Variants in ENPP6 observed in about 807,000 individuals in gnomAD.
The protein encoded by ENPP6 is ectonucleotide pyrophosphatase/phosphodiesterase 6, also known as glycerophosphocholine cholinephosphodiesterase ENPP6.
ENPP6 carries 32 observed loss-of-function variants against 42.0 expected under a neutral mutation model. The observed-to-expected ratio is 0.76, with a 90% CI of 0.58 to 1.02. The LOEUF is 1.02. ENPP6 is among the 50% of genes least tolerant of loss of function. ENPP6 has a pLI of 0.00. For synonymous variants in ENPP6, 213 were observed against 216.0 expected, an observed-to-expected ratio of 0.99 and a Z score of 0.12; for missense variants, 552 against 566.8, an observed-to-expected ratio of 0.97 and a Z score of 0.27.
Position 184,153,746 on chromosome 4 carries a change from GAACACA to G in ENPP6, c.242-19_242-14del. 1 of 1,610,948 alleles carries G rather than the reference GAACACA, an allele frequency of 6.2e-7. No homozygotes were observed. The highest frequency in any genetic ancestry group is 8.5e-7 in the Non-Finnish European group (1 of 1,178,612). ...TCACAATGGCGGCCTATGTCAATGA[GAACACA>G]GCTGTCAGTTTACGGTTCTGGTGGT... On this transcript the variant is annotated splice_polypyrimidine_tract_variant and intron_variant, in intron 1 of 7. Coordinates refer to ENST00000296741, the MANE Select transcript of ENPP6 (RefSeq NM_153343.4).
chr4:184,195,597 G>A (rs1029570858), intron 1 of ENPP6, among the ~76,000 whole-genome samples: 5 of 151,928 alleles, frequency 3.3e-5, no homozygotes, highest in African/African-American at 7.3e-5. Context: ...CCCATTCCCC[G>A]TCCCCACAGC....
At chr4:184,133,374 T>C (rs113879683) in intron 2 of ENPP6, among the ~76,000 whole-genome samples, 1,548 of 152,340 alleles carry the variant, frequency 0.01, 22 homozygotes, top group South Asian at 0.04. Context: ...TCTTACATCT[T>C]TCACGTATTT....
At chr4:184,125,217 C>T (rs1736482838) in intron 2 of ENPP6, among the ~76,000 whole-genome samples, 1 of 152,138 alleles carries the variant, frequency 6.6e-6, no homozygotes, top group African/African-American at 2.4e-5. Context: ...CTTCAGGCAT[C>T]ACTTCCTCCT....
intron 1 of ENPP6, among the ~76,000 whole-genome samples, chr4:184,208,702 A>G (rs1216348123): frequency 1.4e-5 from 2 of 148,102 alleles, no homozygotes; most frequent in Non-Finnish European, 3.0e-5. Flanking sequence ...TAGGTAAACA[A>G]AGCAGCAGGG....
intron 6 of ENPP6, among the ~76,000 whole-genome samples, chr4:184,110,314 G>C (rs1259586750): frequency 6.6e-6 from 1 of 152,184 alleles, no homozygotes; most frequent in Non-Finnish European, 1.5e-5. Flanking sequence ...CCCAAGGCAG[G>C]AATTTTCTAG....
At chr4:184,100,582 C>T (rs1000080292) in intron 6 of ENPP6, among the ~76,000 whole-genome samples, 1 of 152,098 alleles carries the variant, frequency 6.6e-6, no homozygotes, top group Non-Finnish European at 1.5e-5. Context: ...CAGAGTGGGG[C>T]CTCTAAGTGG....
chr4:184,115,260 C>T (rs1736293473), intron 5 of ENPP6, among the ~76,000 whole-genome samples: 1 of 152,100 alleles, frequency 6.6e-6, no homozygotes, highest in African/African-American at 2.4e-5. Context: ...GGCAGCAGGT[C>T]GCCTGCCCCC....
intron 2 of ENPP6, among the ~76,000 whole-genome samples, chr4:184,135,376 T>G (rs970202059): frequency 6.6e-6 from 1 of 152,190 alleles, no homozygotes; most frequent in African/African-American, 2.4e-5. Context: ...AGTGTGTAAT[T>G]AGGAACATTA....
chr4:184,205,390 A>G (rs1445762147), intron 1 of ENPP6, among the ~76,000 whole-genome samples: 1 of 152,236 alleles, frequency 6.6e-6, no homozygotes, highest in Non-Finnish European at 1.5e-5. Flanking sequence ...GAATGCAGCG[A>G]TGCCCAGCTT....
At chr4:184,124,946 A>G (rs1736477890) in intron 2 of ENPP6, among the ~76,000 whole-genome samples, 1 of 152,182 alleles carries the variant, frequency 6.6e-6, no homozygotes, top group African/African-American at 2.4e-5. Flanking sequence ...ACACCCATCC[A>G]TATTAGGGAA....
intron 1 of ENPP6, among the ~76,000 whole-genome samples, chr4:184,196,055 T>G (rs1458156583): frequency 1.3e-5 from 2 of 152,230 alleles, no homozygotes; most frequent in Non-Finnish European, 2.9e-5. Context: ...AAACTTGCCC[T>G]GCTCAGAGAT....
intron 5 of ENPP6, among the ~76,000 whole-genome samples, chr4:184,113,952 T>TTTCC (rs1736268949): frequency 6.7e-6 from 1 of 149,582 alleles, no homozygotes; most frequent in Non-Finnish European, 1.5e-5. Context: ...TCTTTCTTTC[T>TTTCC]TTCTTTCTTT....
chr4:184,117,680 T>A lies in ENPP6; in HGVS notation c.675+79A>T, dbSNP rs1736342697. On this transcript the variant is annotated intron_variant, in intron 4 of 7. Transcript: ENST00000296741. ...GCCTTTAGCAGTAAGAGGGAAGATG[T>A]TGACAGGAGTGACTGTGGAGGAGAC... 6 of 1,575,652 alleles carry A rather than the reference T, an allele frequency of 3.8e-6. No individual in the cohort carries two copies. The South Asian group carries it at 4.7e-5, about 12-fold the overall frequency.
In ENPP6 at chr4:184,091,244, C is replaced by T; in HGVS notation, c.1256G>A (p.Ser419Asn). 1 of 1,596,748 alleles carries T rather than the reference C, an allele frequency of 6.3e-7. No homozygotes were observed. Among genetic ancestry groups the T allele is most frequent in the Non-Finnish European group, 8.5e-7 (1 of 1,171,646 alleles). ...RVMCMLKGRASTAPPVWPSHC... is the reference protein window; with the variant it reads ...RVMCMLKGRANTAPPVWPSHC... ...GCTGGGCCAGACAGGCGGGGCAGTG[C>T]TGGCGCGGCCCTTCAGCATGCACAT... is the stretch of plus-strand genomic sequence containing the variant. The change falls in exon 8 of 8, where the codon AGC becomes AAC. Residue 419 changes from serine (S) to asparagine (N), a missense_variant. Ser to Asn is a conservative substitution (Grantham distance 46). This residue lies in a region of ENPP6 where 545 missense variants were observed against 546.3 expected (regional missense o/e 1.00). Coordinates refer to ENST00000296741, the MANE Select transcript of ENPP6 (RefSeq NM_153343.4).
chr4:184,116,374 G>C (rs991580933), intron 5 of ENPP6, among the ~76,000 whole-genome samples: 9 of 152,180 alleles, frequency 5.9e-5, no homozygotes, highest in Non-Finnish European at 1.3e-4. Context: ...CAGGGAGTGA[G>C]AGGTAAACTA....
At position 184,143,072 on chromosome 4, in the gene ENPP6, TC is replaced by T. The variant is rs1296906778; in HGVS notation, c.421+10481del. Among the ~76,000 whole-genome samples, 11 of 152,314 alleles carry T rather than the reference TC, an allele frequency of 7.2e-5. No homozygotes were observed. The East Asian group carries it at 2.1e-3, about 29-fold the overall frequency. Reference sequence around the variant, plus strand: ...CCCACAAAGGAAGCCCTCTTGACTTTCTGCACCACACGGTTTTCCTGACCAA... The same window carrying T: ...CCCACAAAGGAAGCCCTCTTGACTTTTGCACCACACGGTTTTCCTGACCAA... On this transcript the variant is annotated intron_variant, in intron 2 of 7. Coordinates refer to ENST00000296741, the MANE Select transcript of ENPP6 (RefSeq NM_153343.4).
At chr4:184,187,691 T>C (rs930788520) in intron 1 of ENPP6, among the ~76,000 whole-genome samples, 2 of 152,166 alleles carry the variant, frequency 1.3e-5, no homozygotes, top group African/African-American at 4.8e-5. Context: ...TTCCATAGAA[T>C]TTATTACCAC....
At chr4:184,092,422 G>T (rs1290760372) in intron 7 of ENPP6, among the ~76,000 whole-genome samples, 1 of 152,194 alleles carries the variant, frequency 6.6e-6, no homozygotes, top group African/African-American at 2.4e-5. Flanking sequence ...AGACCACTGT[G>T]CCTCTGCCCA....
chr4:184,164,684 C>A (rs1428196790), intron 1 of ENPP6, among the ~76,000 whole-genome samples: 1 of 152,230 alleles, frequency 6.6e-6, no homozygotes, highest in Non-Finnish European at 1.5e-5. Flanking sequence ...CTAAGCCACC[C>A]AAACTTGTGG....
Sources: allele counts gnomAD v4.1 joint callset (sites outside exome capture counted in the v4.1 genomes callset), GRCh38; gene constraint gnomAD v4.1.1; regional missense constraint gnomAD v4.1.1; transcripts MANE v1.5; gene names NCBI Gene and HGNC (gene_info 2026-07-23, HGNC 2026-07-21).